The following CPLX2 variants were observed in gnomAD, a reference collection of about 807,000 sequenced individuals.
CPLX2 encodes the protein complexin 2.
A neutral mutation model predicts 16.3 loss-of-function variants in CPLX2; 5 were observed. That is an observed-to-expected ratio of 0.31 (90% CI 0.16 to 0.64). The LOEUF (loss-of-function observed/expected upper bound fraction) is 0.64, where lower values mean the gene tolerates loss of function less well. Ranked by LOEUF, CPLX2 falls within the 30% of genes least tolerant of loss-of-function variation. The pLI, the probability that CPLX2 is intolerant of heterozygous loss-of-function variation, is 0.79. For synonymous variants in CPLX2, 89 were observed against 73.2 expected, an observed-to-expected ratio of 1.22 and a Z score of -1.10; for missense variants, 144 against 181.4, an observed-to-expected ratio of 0.79 and a Z score of 1.18.
intron 1 of CPLX2, among the ~76,000 whole-genome samples, chr5:175,800,475 ACT>A (rs1758071870): frequency 8.1e-6 from 1 of 123,894 alleles, no homozygotes; most frequent in African/African-American, 3.2e-5. Context: ...ACAAGGCAAG[ACT>A]CTGTCTCCAG....
chr5:175,856,044 A>T (rs1759249612), intron 2 of CPLX2, among the ~76,000 whole-genome samples: 1 of 152,188 alleles, frequency 6.6e-6, no homozygotes, highest in Non-Finnish European at 1.5e-5. Flanking sequence ...TCCCATGCAG[A>T]CATCCTGGTT....
intron 1 of CPLX2, among the ~76,000 whole-genome samples, chr5:175,800,523 G>A (rs1278235194): frequency 6.6e-6 from 1 of 151,870 alleles, no homozygotes; most frequent in Non-Finnish European, 1.5e-5. Flanking sequence ...CTGGGAGTGT[G>A]ATTGCAGTCC....
intron 1 of CPLX2, among the ~76,000 whole-genome samples, chr5:175,804,705 C>T (rs1758163596): frequency 6.6e-6 from 1 of 152,124 alleles, no homozygotes; most frequent in South Asian, 2.1e-4. Flanking sequence ...TTAACAAGAC[C>T]CCCCGGTGAT....
At position 175,878,680 on chromosome 5, in the gene CPLX2, C is replaced by T; in HGVS notation, c.-60C>T. On this transcript the variant is annotated 5_prime_UTR_variant, in exon 2 of 4. Coordinates refer to ENST00000393745, the MANE Select transcript of CPLX2 (RefSeq NM_001008220.2). Reference sequence around the variant, plus strand: ...GTCACATCTTCCCAAGCCAGGCCAGCCAGGAGCGCTGCATGCAAATTCTGC... The same window carrying T: ...GTCACATCTTCCCAAGCCAGGCCAGTCAGGAGCGCTGCATGCAAATTCTGC... 1 of 1,593,108 alleles carries T rather than the reference C, an allele frequency of 6.3e-7. No individual in the cohort carries two copies. Among genetic ancestry groups the T allele is most frequent in the Non-Finnish European group, 8.6e-7 (1 of 1,168,696 alleles).
At chr5:175,827,211 C>A (rs1345177039) in intron 2 of CPLX2, among the ~76,000 whole-genome samples, 1 of 152,226 alleles carries the variant, frequency 6.6e-6, no homozygotes, top group Non-Finnish European at 1.5e-5. Flanking sequence ...TTGGCCTAAA[C>A]CGTGGTCATG....
At chr5:175,851,877 A>G (rs1439697147) in intron 2 of CPLX2, among the ~76,000 whole-genome samples, 2 of 152,246 alleles carry the variant, frequency 1.3e-5, no homozygotes, top group Non-Finnish European at 2.9e-5. Context: ...AAGAAGAGGC[A>G]GATGTATTTT....
chr5:175,797,610 A>T (rs1197062975), intron 1 of CPLX2, among the ~76,000 whole-genome samples: 1 of 152,056 alleles, frequency 6.6e-6, no homozygotes, highest in Non-Finnish European at 1.5e-5. Flanking sequence ...GAACATCCCT[A>T]GAAAGTGTGA....
intron 1 of CPLX2, among the ~76,000 whole-genome samples, chr5:175,875,985 G>T (rs557663271): frequency 1.5e-4 from 23 of 152,052 alleles, no homozygotes; most frequent in Non-Finnish European, 2.6e-4. Context: ...GGCAAGCAGA[G>T]GTGGCCGGAG....
At position 175,849,275 on chromosome 5, in the gene CPLX2, G is replaced by A. The variant is rs970070650; in HGVS notation, c.-88-29377G>A. Among the ~76,000 whole-genome samples, 4 of 152,200 alleles carry A rather than the reference G, an allele frequency of 2.6e-5. No homozygotes were observed. Among genetic ancestry groups the A allele is most frequent in the Admixed American group, 6.5e-5 (1 of 15,282 alleles). ...AGCCAGCAGCTCAAAGGGATGTCCG[G>A]CTACCCTTGGGTGAGGACAGGGTAG... On this transcript the variant is annotated intron_variant, in intron 2 of 4. Transcript: ENST00000359546. The surrounding 1 kb of genome is among the most constrained non-coding windows in gnomAD (Gnocchi z 4.4).
At chr5:175,797,577 A>G (rs1353796189) in intron 1 of CPLX2, among the ~76,000 whole-genome samples, 2 of 152,126 alleles carry the variant, frequency 1.3e-5, no homozygotes, top group African/African-American at 4.8e-5. Flanking sequence ...GGCAGCTGCA[A>G]TCACTGACTC....
chr5:175,850,825 C>T (rs943670570), intron 2 of CPLX2, among the ~76,000 whole-genome samples: 8 of 151,974 alleles, frequency 5.3e-5, no homozygotes, highest in Admixed American at 6.6e-5. Flanking sequence ...CTCACTGAGT[C>T]GGAACCAGGT....
intron 2 of CPLX2, among the ~76,000 whole-genome samples, chr5:175,823,415 G>T (rs540783383): frequency 1.3e-5 from 2 of 152,150 alleles, no homozygotes; most frequent in East Asian, 3.8e-4. Context: ...AACGATGGAC[G>T]ATTGGTTGGA....
At chr5:175,841,936 C>G (rs1758951598) in intron 2 of CPLX2, among the ~76,000 whole-genome samples, 1 of 152,152 alleles carries the variant, frequency 6.6e-6, no homozygotes, top group Non-Finnish European at 1.5e-5. Flanking sequence ...TGTTGATTAC[C>G]TTTTCTTGGA....
At chr5:175,827,403 G>T (rs67163951) in intron 2 of CPLX2, among the ~76,000 whole-genome samples, 17,239 of 152,146 alleles carry the variant, frequency 0.11, 1,085 homozygotes, top group Middle Eastern at 0.18. Context: ...CTTCTTTCCA[G>T]CATCTGACAC....
intron 2 of CPLX2, 39 bp downstream of exon 2, chr5:175,878,809 C>T (rs556552689): frequency 2.1e-5 from 34 of 1,611,670 alleles, no homozygotes; most frequent in Middle Eastern, 3.3e-4. Flanking sequence ...TCAGCCGGTC[C>T]CACCCTTGTG....
chr5:175,823,561 G>C (rs1474951389), intron 2 of CPLX2, among the ~76,000 whole-genome samples: 1 of 152,230 alleles, frequency 6.6e-6, no homozygotes, highest in Non-Finnish European at 1.5e-5. Context: ...TCAAGTTGTT[G>C]ATAGATGAAC....
At chr5:175,863,986 T>C (rs1759420651) in intron 2 of CPLX2, among the ~76,000 whole-genome samples, 3 of 152,176 alleles carry the variant, frequency 2.0e-5, no homozygotes. Flanking sequence ...TGAGGCAGAG[T>C]TCTTTGACCA....
At chr5:175,871,406 GAGAGGA>G (rs1420656347), upstream of CPLX2, 2 of 90,998 alleles carry the variant, frequency 2.2e-5, no homozygotes, top group Non-Finnish European at 4.5e-5. Flanking sequence ...GAGAAAGAGA[GAGAGGA>G]GAGAGAGAGA....
chr5:175,823,497 C>G (rs1213240033), intron 2 of CPLX2, among the ~76,000 whole-genome samples: 1 of 152,164 alleles, frequency 6.6e-6, no homozygotes, highest in Non-Finnish European at 1.5e-5. Context: ...CTGGTGAGAT[C>G]AGTTTGGAAT....
Sources: gnomAD v4.1 joint callset for allele counts (sites outside exome capture counted in the v4.1 genomes callset) on GRCh38, gnomAD v4.1.1 for gene constraint, Gnocchi (gnomAD v3.1) non-coding constraint, MANE v1.5 for transcripts, NCBI Gene and HGNC (gene_info 2026-07-23, HGNC 2026-07-21) for gene names.